Variants in PGM1 observed in about 807,000 individuals in gnomAD.
PGM1 encodes the protein phosphoglucomutase 1, also known as phosphoglucomutase-1.
PGM1 carries 52 observed loss-of-function variants against 55.6 expected under a neutral mutation model. That is an observed-to-expected ratio of 0.94 (90% CI 0.75 to 1.18). PGM1 has a LOEUF of 1.18. PGM1 is among the 50% of genes most tolerant of loss of function. The pLI is 0.00. For synonymous variants in PGM1, 287 were observed against 271.7 expected (o/e 1.06, Z -0.55); for missense variants, 724 against 729.3 (o/e 0.99, Z 0.08).
intron 1 of PGM1, among the ~76,000 whole-genome samples, chr1:63,627,842 G>A (rs996915524): frequency 5.9e-5 from 9 of 152,126 alleles, no homozygotes; most frequent in African/African-American, 2.2e-4. Flanking sequence ...CCGAACATAG[G>A]CTTTTATTCT....
intron 4 of PGM1, among the ~76,000 whole-genome samples, chr1:63,634,501 C>T (rs1057474754): frequency 6.6e-6 from 1 of 152,160 alleles, no homozygotes; most frequent in African/African-American, 2.4e-5. Context: ...GCTGTACAAC[C>T]TTCTGAGCTT....
At chr1:63,635,943 G>A (rs1303913484) in intron 5 of PGM1, among the ~76,000 whole-genome samples, 1 of 152,208 alleles carries the variant, frequency 6.6e-6, no homozygotes, top group Non-Finnish European at 1.5e-5. Flanking sequence ...AAAAGTCTAG[G>A]AGGTTAAAGT....
intron 1 of PGM1, among the ~76,000 whole-genome samples, chr1:63,622,156 C>T (rs547110649): frequency 6.6e-6 from 1 of 152,212 alleles, no homozygotes; most frequent in East Asian, 1.9e-4. Context: ...TCCCAAGTAG[C>T]TGTGACTACG....
At chr1:63,594,917 C>T (rs529838471) in intron 1 of PGM1, among the ~76,000 whole-genome samples, 19 of 139,104 alleles carry the variant, frequency 1.4e-4, no homozygotes, top group Admixed American at 4.0e-4. Flanking sequence ...GCTGAGATCC[C>T]GCCACTGCAC....
chr1:63,611,010 G>C (rs569701258), intron 1 of PGM1, among the ~76,000 whole-genome samples: 1 of 152,142 alleles, frequency 6.6e-6, no homozygotes, highest in Admixed American at 6.5e-5. Flanking sequence ...AGAAATCTCC[G>C]TGAATAAGAT....
Position 63,651,833 on chromosome 1 carries a change from G to A in PGM1, c.1445G>A (p.Gly482Glu), listed in dbSNP as rs1179174420. The A allele has an allele frequency of 6.2e-7, 1 of 1,614,074 alleles. No individual in the cohort carries two copies. Among genetic ancestry groups the A allele is most frequent in the South Asian group, 1.1e-5 (1 of 91,068 alleles). The stretch of plus-strand genomic sequence containing the variant: ...TTTGAATACAGCGACCCAGTGGATG[G>A]AAGCATTTCAAGAAATCAGGTAGAA... ...DNFEYSDPVD[G>E]SISRNQGLRL... is the part of the protein sequence containing the mutation. Residue 482 changes from glycine (G) to glutamate (E), a missense_variant, in exon 9 of 11, where the codon GGA becomes GAA. By Grantham distance (98) the Gly-to-Glu change is moderately conservative. Transcript: ENST00000371084.
At chr1:63,599,674 C>T (rs142742192) in intron 1 of PGM1, among the ~76,000 whole-genome samples, 74 of 152,194 alleles carry the variant, frequency 4.9e-4, no homozygotes, top group African/African-American at 1.7e-3. Context: ...CCTGTGGTCT[C>T]GGCTACTTGA....
At chr1:63,641,128 G>A (rs1157155540) in intron 7 of PGM1, among the ~76,000 whole-genome samples, 1 of 152,178 alleles carries the variant, frequency 6.6e-6, no homozygotes, top group East Asian at 1.9e-4. Flanking sequence ...TTGAACCAAA[G>A]TATTAGACTT....
intron 3 of PGM1, among the ~76,000 whole-genome samples, chr1:63,630,346 C>T (rs1004201981): frequency 2.6e-5 from 4 of 152,160 alleles, no homozygotes; most frequent in African/African-American, 7.2e-5. Context: ...GTTTTCATGC[C>T]TTGACTAGAA....
chr1:63,615,327 T>G (rs932329280), intron 1 of PGM1, among the ~76,000 whole-genome samples: 1 of 152,158 alleles, frequency 6.6e-6, no homozygotes, highest in Non-Finnish European at 1.5e-5. Flanking sequence ...CCTTTCCTCA[T>G]TTACTTTCAG....
chr1:63,631,761 C>T lies in PGM1; in HGVS notation c.661C>T (p.Arg221Cys), dbSNP rs1126728. The T allele has an allele frequency of 0.24, 381,386 of 1,611,488 alleles. 46,247 individuals are homozygous for T. The highest frequency in any genetic ancestry group is 0.3 in the Middle Eastern group (1,834 of 6,052). ...LLSGPNRLKIRIDAMHGVVGP... is the reference protein window; with the variant it reads ...LLSGPNRLKICIDAMHGVVGP... ...TTCTGGGCCAAACCGACTGAAGATC[C>T]GTATTGATGCTATGCATGGAGGTAT... Residue 221 changes from arginine (R) to cysteine (C), a missense_variant, in exon 4 of 11, where the codon CGT (arginine) becomes TGT (cysteine). By Grantham distance (180) the Arg-to-Cys change is radical. This residue lies in a region of PGM1 where 379 missense variants were observed against 357.5 expected (regional missense o/e 1.06). Coordinates refer to ENST00000371084, the MANE Select transcript of PGM1 (RefSeq NM_002633.3).
intron 10 of PGM1, among the ~76,000 whole-genome samples, chr1:63,655,460 T>C (rs61473080): frequency 0.06 from 9,182 of 152,196 alleles, 958 homozygotes; most frequent in African/African-American, 0.21. Flanking sequence ...GACCTGCAGC[T>C]TGGTAAGCTG....
intron 7 of PGM1, among the ~76,000 whole-genome samples, chr1:63,644,485 G>C (rs540026597): frequency 6.6e-6 from 1 of 152,320 alleles, no homozygotes; most frequent in South Asian, 2.1e-4. Flanking sequence ...CCAGAGGAAA[G>C]AGCATATTAG....
At position 63,632,848 on chromosome 1, in the gene PGM1, A is replaced by G. The variant is rs1374213549; in HGVS notation, c.682+1066A>G. On this transcript the variant is annotated intron_variant, in intron 4 of 10. Transcript: ENST00000371084. ...CAACATGGTGAAACCCCATCTCTAT[A>G]AAAGTCTCTATAAAAATACAAAAAA... Among the ~76,000 whole-genome samples, 9 of 152,060 alleles carry G rather than the reference A, an allele frequency of 5.9e-5. 1 individual carries two copies. The highest frequency in any genetic ancestry group is 5.9e-4 in the Admixed American group (9 of 15,268).
intron 8 of PGM1, chr1:63,651,455 C>T (rs1474099997): frequency 3.6e-6 from 2 of 561,214 alleles, no homozygotes; most frequent in Non-Finnish European, 6.4e-6. Flanking sequence ...TTCAGAAGCT[C>T]ATAACCCTTC....
At chr1:63,615,550 C>CTTTT (rs1161161385) in intron 1 of PGM1, among the ~76,000 whole-genome samples, 1,851 of 63,002 alleles carry the variant, frequency 0.029, 280 homozygotes, top group East Asian at 0.12. Context: ...TCTTCTTCTT[C>CTTTT]TTTTTTTTTT....
At chr1:63,594,811 A>AT (rs1647998417) in intron 1 of PGM1, among the ~76,000 whole-genome samples, 1 of 130,542 alleles carries the variant, frequency 7.7e-6, no homozygotes, top group Non-Finnish European at 1.7e-5. Context: ...AAAAAAAAAA[A>AT]TTAGCCAGGC....
intron 1 of PGM1, among the ~76,000 whole-genome samples, chr1:63,617,539 T>TTACCAAAATA (rs1469151148): frequency 6.6e-6 from 1 of 151,776 alleles, no homozygotes; most frequent in Non-Finnish European, 1.5e-5. Flanking sequence ...AAACCCTGTC[T>TTACCAAAATA]CTATTAAAAT....
At chr1:63,598,397 C>T (rs1174753643) in intron 1 of PGM1, among the ~76,000 whole-genome samples, 28 of 152,102 alleles carry the variant, frequency 1.8e-4, no homozygotes. Context: ...CAAGATAATG[C>T]TTCTTTACTG....
Sources: gnomAD v4.1 joint callset for allele counts (sites outside exome capture counted in the v4.1 genomes callset) on GRCh38, gnomAD v4.1.1 for gene constraint, gnomAD v4.1.1 regional missense constraint, MANE v1.5 for transcripts, NCBI Gene and HGNC (gene_info 2026-07-23, HGNC 2026-07-21) for gene names.